ZNF257: variants seen among roughly 807,000 people sequenced by gnomAD.
ZNF257 encodes bone marrow zinc finger 4.
In ZNF257, 12 loss-of-function variants were observed where a neutral mutation model predicts 11.9. That is an observed-to-expected ratio of 1.01 (90% CI 0.65 to 1.63). The LOEUF is 1.63. Ranked by LOEUF, ZNF257 falls within the 40% of genes most tolerant of loss-of-function variation. ZNF257 has a pLI of 0.00. For missense variants in ZNF257, 580 were observed against 665.5 expected (o/e 0.87, Z 1.41); for synonymous variants, 183 against 222.7 (o/e 0.82, Z 1.59).
intron 1 of ZNF257, chr19:22,066,483 C>G (rs2021949578): frequency 1.3e-5 from 2 of 152,628 alleles, no homozygotes; most frequent in Middle Eastern, 3.4e-3. Flanking sequence ...GTGGGCTGTG[C>G]CTCAGTGGCA....
At chr19:22,083,968 C>T (rs1015945072) in intron 3 of ZNF257, among the ~76,000 whole-genome samples, 9 of 151,866 alleles carry the variant, frequency 5.9e-5, no homozygotes, top group Non-Finnish European at 1.3e-4. Context: ...GGTGAAACCC[C>T]GTCTCAACTA....
At chr19:22,059,062 A>T (rs1359499416) in intron 1 of ZNF257, among the ~76,000 whole-genome samples, 2 of 152,304 alleles carry the variant, frequency 1.3e-5, no homozygotes, top group Non-Finnish European at 2.9e-5. Flanking sequence ...AATAAATTAG[A>T]GTCACACCTG....
At chr19:22,055,754 C>T (rs2021615195) in intron 1 of ZNF257, among the ~76,000 whole-genome samples, 1 of 151,934 alleles carries the variant, frequency 6.6e-6, no homozygotes, top group South Asian at 2.1e-4. Context: ...GCTACTCCCT[C>T]GGTTTGTCAC....
rs888837324 is a variant in ZNF257 at position 22,089,696 on chromosome 19, A to G, written c.*254A>G. ...CTAAACATGAGAACACATGTGGAAG[A>G]TAAAGCCTACAAATATGAAGAATGT... On this transcript the variant is annotated 3_prime_UTR_variant, in exon 4 of 4. Coordinates refer to ENST00000594947, the MANE Select transcript of ZNF257 (RefSeq NM_033468.4). 1.2e-6 allele frequency: 1 copy of G among 863,174 alleles called. No homozygotes were observed. The highest frequency in any genetic ancestry group is 1.7e-5 in the African/African-American group (1 of 58,292). The allele number at this position is 863,174 out of a possible 1,614,324, so 53.5% of individuals were successfully genotyped here. A position where few individuals can be genotyped will look rare whatever the true frequency, so the allele number is the denominator to read the frequency against.
intron 3 of ZNF257, among the ~76,000 whole-genome samples, chr19:22,085,604 A>G (rs1449172080): frequency 2.0e-5 from 3 of 151,970 alleles, no homozygotes; most frequent in Admixed American, 2.0e-4. Context: ...TCCTACTATA[A>G]TTATATTGCT....
intron 1 of ZNF257, among the ~76,000 whole-genome samples, chr19:22,062,577 G>A (rs1336489972): frequency 6.6e-6 from 1 of 151,670 alleles, no homozygotes; most frequent in Non-Finnish European, 1.5e-5. Flanking sequence ...CCACCTCCTG[G>A]GTTCAAGCAA....
At position 22,088,606 on chromosome 19, in the gene ZNF257, A is replaced by G; in HGVS notation, c.856A>G (p.Lys286Glu). The G allele has an allele frequency of 6.2e-7, 1 of 1,613,282 alleles. No individual in the cohort carries two copies. Among genetic ancestry groups the G allele is most frequent in the Non-Finnish European group, 8.5e-7 (1 of 1,179,770 alleles). Residue 286 changes from lysine (K) to glutamate (E), a missense_variant, in exon 4 of 4, where the codon AAA becomes GAA. Coordinates refer to ENST00000594947, the MANE Select transcript of ZNF257 (RefSeq NM_033468.4). Reference protein sequence around the residue: ...KRIHNREKPFKYDECCKAFKW... With the variant: ...KRIHNREKPFEYDECCKAFKW... ...AATTCATAATAGAGAGAAGCCCTTC[A>G]AATATGATGAATGTTGCAAAGCCTT...
chr19:22,057,798 C>T (rs779565480), intron 1 of ZNF257, among the ~76,000 whole-genome samples: 3 of 152,134 alleles, frequency 2.0e-5, no homozygotes, highest in African/African-American at 4.8e-5. Flanking sequence ...CTCACTGTGT[C>T]GCCCAGGCTG....
intron 3 of ZNF257, among the ~76,000 whole-genome samples, chr19:22,074,052 TATG>T (rs1420950682): frequency 6.6e-6 from 1 of 152,106 alleles, no homozygotes; most frequent in Admixed American, 6.5e-5. Flanking sequence ...AATTATAAAA[TATG>T]ATGTCATTCT....
At position 22,054,521 on chromosome 19, in the gene ZNF257, T is replaced by G. The variant is rs2021574149; in HGVS notation, c.3+1886T>G. Among the ~76,000 whole-genome samples, 3 of 152,338 alleles carry G rather than the reference T, an allele frequency of 2.0e-5. No individual in the cohort carries two copies. In the South Asian group the frequency reaches 6.2e-4, roughly 32 times the overall value. ...TCTTCTGACATTCCCAAATGCCAGT[T>G]TTCCCTAATTCACATTATCAATTAT... On this transcript the variant is annotated intron_variant, in intron 1 of 3. Transcript: ENST00000594947.
chr19:22,083,921 C>T (rs1033512613), intron 3 of ZNF257, among the ~76,000 whole-genome samples: 2 of 152,076 alleles, frequency 1.3e-5, no homozygotes, highest in Non-Finnish European at 2.9e-5. Flanking sequence ...GGGTGGATCA[C>T]CTGAGGTCAG....
At chr19:22,074,677 T>A (rs1440316145) in intron 3 of ZNF257, 7 of 152,156 alleles carry the variant, frequency 4.6e-5, no homozygotes, top group Non-Finnish European at 7.3e-5. Context: ...AATGCTATTG[T>A]AAATAAGATT....
intron 1 of ZNF257, among the ~76,000 whole-genome samples, chr19:22,053,755 G>A (rs1404954548): frequency 6.6e-6 from 1 of 151,940 alleles, no homozygotes; most frequent in Non-Finnish European, 1.5e-5. Flanking sequence ...GAGAAACTCC[G>A]CCTCTACTAA....
At chr19:22,086,084 TATTA>T (rs1210280825) in intron 3 of ZNF257, among the ~76,000 whole-genome samples, 1 of 152,112 alleles carries the variant, frequency 6.6e-6, no homozygotes, top group Non-Finnish European at 1.5e-5. Flanking sequence ...TCCGTTATTT[TATTA>T]ATTATTTTAT....
intron 1 of ZNF257, chr19:22,065,963 GCTCA>G (rs2021934150): frequency 6.6e-6 from 1 of 152,168 alleles, no homozygotes; most frequent in African/African-American, 2.4e-5. Flanking sequence ...TCTTTATAAT[GCTCA>G]TGTTTCTCAT....
At chr19:22,058,731 T>G (rs912838015) in intron 1 of ZNF257, among the ~76,000 whole-genome samples, 1 of 152,142 alleles carries the variant, frequency 6.6e-6, no homozygotes, top group African/African-American at 2.4e-5. Flanking sequence ...GAGAGAGGAC[T>G]GAAAACTTAA....
chr19:22,053,611 C>G (rs1279436901), intron 1 of ZNF257, among the ~76,000 whole-genome samples: 1 of 151,994 alleles, frequency 6.6e-6, no homozygotes, highest in African/African-American at 2.4e-5. Context: ...TTTTGTTTCC[C>G]CCAATTTAGT....
chr19:22,083,385 T>C (rs2022402334), intron 3 of ZNF257, among the ~76,000 whole-genome samples: 1 of 152,000 alleles, frequency 6.6e-6, no homozygotes, highest in African/African-American at 2.4e-5. Flanking sequence ...ACAGGAGAAT[T>C]GCTTGAACCC....
At chr19:22,055,988 G>A (rs2021622749) in intron 1 of ZNF257, among the ~76,000 whole-genome samples, 1 of 149,462 alleles carries the variant, frequency 6.7e-6, no homozygotes, top group Admixed American at 6.7e-5. Flanking sequence ...CCGGGAGGCG[G>A]AGCTTGCAGT....
Sources: allele counts gnomAD v4.1 joint callset (sites outside exome capture counted in the v4.1 genomes callset), GRCh38; gene constraint gnomAD v4.1.1; transcripts MANE v1.5; gene names NCBI Gene and HGNC (gene_info 2026-07-23, HGNC 2026-07-21).